Variants in TNK1 observed in about 807,000 individuals in gnomAD.
TNK1 encodes tyrosine kinase non receptor 1.
TNK1 carries 53 observed loss-of-function variants against 65.2 expected under a neutral mutation model. The observed-to-expected ratio is 0.81, with a 90% CI of 0.65 to 1.02. The LOEUF (loss-of-function observed/expected upper bound fraction) is 1.02. TNK1 is among the 50% of genes least tolerant of loss of function. TNK1 has a pLI of 0.00. For missense variants in TNK1, 837 were observed against 878.4 expected (o/e 0.95, Z 0.60); for synonymous variants, 353 against 364.6 (o/e 0.97, Z 0.36).
rs1905434561 is a variant in TNK1, at chr17:7,389,314, G to T, written c.*230G>T. ...CTGAAGGCTGAAGCTCCTTTGGCTG[G>T]GCCAAGAAGGATCTAGTCTGCCCAC... On this transcript the variant is annotated 3_prime_UTR_variant, in exon 13 of 13. Transcript: ENST00000688331. 3.5e-6 allele frequency: 2 copies of T among 575,754 alleles called. No individual in the cohort carries two copies. Among genetic ancestry groups the T allele is most frequent in the Non-Finnish European group, 6.2e-6 (2 of 321,942 alleles). The allele number at this position is 575,754 out of a possible 1,614,324, so 35.7% of individuals were successfully genotyped here. A position where few individuals can be genotyped will look rare whatever the true frequency, so the allele number is the denominator to read the frequency against.
intron 9 of TNK1, 91 bp downstream of exon 9, chr17:7,387,245 C>T: frequency 2.0e-6 from 3 of 1,511,714 alleles, no homozygotes; most frequent in Non-Finnish European, 2.7e-6. Context: ...GGGACAGGAC[C>T]AGAGTGAAGC....
chr17:7,386,464 A>C (rs1323185706), intron 7 of TNK1, 97 bp from the exon 8 acceptor site: 1 of 944,526 alleles, frequency 1.1e-6, no homozygotes, highest in Non-Finnish European at 1.7e-6. Context: ...CCCAGCACAG[A>C]CTACATACAG....
Position 7,383,469 on chromosome 17 carries a change from C to T in TNK1, c.279C>T (p.Pro93=). 1 of 1,613,936 alleles carries T rather than the reference C, an allele frequency of 6.2e-7. No individual in the cohort carries two copies. The highest frequency in any genetic ancestry group is 1.1e-5 in the South Asian group (1 of 91,086). The change falls in exon 4 of 13, where the codon CCC becomes CCT. Residue 93 remains proline (P), a synonymous_variant. Transcript: ENST00000688331. ...CTGAGCACAAGGAGCCCACCCTGCCCTCGGACAGCCCACGGCACCTCCCTG... is the reference window on the plus strand; with the variant it reads ...CTGAGCACAAGGAGCCCACCCTGCCTTCGGACAGCCCACGGCACCTCCCTG... ...FAPEHKEPTL[P]SDSPRHLPEP...
chr17:7,389,581 T>C lies in TNK1; in HGVS notation c.*497T>C, dbSNP rs1905469446. 3 of 290,482 alleles carry C rather than the reference T, an allele frequency of 1.0e-5. No homozygotes were observed. The highest frequency in any genetic ancestry group is 2.2e-5 in the African/African-American group (1 of 46,122). 18.0% of individuals were successfully genotyped at this position (290,482 alleles called of 1,614,324 possible). On this transcript the variant is annotated 3_prime_UTR_variant, in exon 13 of 13. Transcript: ENST00000688331. The stretch of plus-strand genomic sequence containing the variant: ...TTTGGTCCAGGGCCATCGTGGGTGA[T>C]GACGATTGCTCTCTTGCACTCAAGG...
At position 7,388,415 on chromosome 17, in the gene TNK1, G is replaced by C. The variant is rs762355543; in HGVS notation, c.1487G>C (p.Arg496Thr). ...CTTCTCAACTGTGCAGGCATTTCCA[G>C]GAGTCTGGAGTCAGTTCTGTCCCTC... ...MPLERMKGIS[R>T]SLESVLSLGP... is the part of the protein sequence containing the mutation. The change falls in exon 11 of 13, where the codon AGG becomes ACG. Residue 496 changes from arginine to threonine, a missense_variant. Arg to Thr is a moderately conservative substitution (Grantham distance 71). Coordinates refer to ENST00000688331, the MANE Select transcript of TNK1 (RefSeq NM_003985.6). This position sits in a 1 kb window ranked among gnomAD's most constrained non-coding sequence, Gnocchi z 4.5. The C allele has an allele frequency of 2.2e-5, 35 of 1,605,532 alleles. No homozygotes were observed. The highest frequency in any genetic ancestry group is 3.3e-4 in the Middle Eastern group (2 of 6,020).
intron 1 of TNK1, among the ~76,000 whole-genome samples, chr17:7,381,439 G>C (rs1904807352): frequency 6.6e-6 from 1 of 152,226 alleles, no homozygotes; most frequent in Non-Finnish European, 1.5e-5. Context: ...GACGGGTCCA[G>C]GAGTGTGCTA....
rs1236459365 is a variant in TNK1 at position 7,383,952 on chromosome 17, C to T, written c.583-18C>T. 3 of 1,517,802 alleles carry T rather than the reference C, an allele frequency of 2.0e-6. No individual in the cohort carries two copies. Among genetic ancestry groups the T allele is most frequent in the Non-Finnish European group, 2.7e-6 (3 of 1,131,076 alleles). 94.0% of individuals were successfully genotyped at this position (1,517,802 alleles called of 1,614,324 possible). ...TCCAATGGGTCCGGCTCACGCGGCGCGGTGTTCCCTCCTGCAGGTGATGGA... is the reference window on the plus strand; with the variant it reads ...TCCAATGGGTCCGGCTCACGCGGCGTGGTGTTCCCTCCTGCAGGTGATGGA... On this transcript the variant is annotated intron_variant, in intron 5 of 12. Coordinates refer to ENST00000688331, the MANE Select transcript of TNK1 (RefSeq NM_003985.6).
rs1905350236 is a variant in TNK1, at chr17:7,388,577, A to G, written c.1649A>G (p.Glu550Gly). Residue 550 changes from glutamate (E) to glycine (G), a missense_variant, in exon 11 of 13, where the codon GAG becomes GGG. Coordinates refer to ENST00000688331, the MANE Select transcript of TNK1 (RefSeq NM_003985.6). The surrounding 1 kb of genome is among the most constrained non-coding windows in gnomAD (Gnocchi z 4.5). ...CCTCAGCCCAGCCAGCCCTCTAGGG[A>G]GAGGCTTCCCTGGCCCAAAAGAAAA... is the stretch of plus-strand genomic sequence containing the variant. ...SSPQPSQPSRERLPWPKRKPP... is the reference protein window; with the variant it reads ...SSPQPSQPSRGRLPWPKRKPP... 6.2e-7 allele frequency: 1 copy of G among 1,613,892 alleles called. No individual in the cohort carries two copies. The highest frequency in any genetic ancestry group is 8.5e-7 in the Non-Finnish European group (1 of 1,179,860).
chr17:7,384,313 C>T, intron 6 of TNK1, 60 bp downstream of exon 6: 1 of 1,434,684 alleles, frequency 7.0e-7, no homozygotes. Context: ...GGGCAGCAGC[C>T]GAGGGAGATC....
At chr17:7,380,813 A>T (rs1450494313), upstream of TNK1, 1 of 152,346 alleles carries the variant, frequency 6.6e-6, no homozygotes, top group Non-Finnish European at 1.5e-5. Flanking sequence ...CAGAGGAGTG[A>T]AGTCTGGGGA....
Position 7,384,716 on chromosome 17 carries a change from C to T in TNK1, c.1099C>T (p.Arg367Trp), listed in dbSNP as rs1256932465. 6.3e-7 allele frequency: 1 copy of T among 1,586,950 alleles called. No individual in the cohort carries two copies. Among genetic ancestry groups the T allele is most frequent in the Admixed American group, 1.7e-5 (1 of 57,750 alleles). The change falls in exon 7 of 13, where the codon CGG becomes TGG. Residue 367 changes from arginine to tryptophan, a missense_variant. Arg to Trp is a moderately radical substitution (Grantham distance 101). Transcript: ENST00000688331. ...LRCWAPHPAD[R>W]PSFSHLEGLL... The stretch of plus-strand genomic sequence containing the variant: ...CTGCTGGGCCCCCCACCCTGCCGAC[C>T]GGCCTAGCTTTTCCCACCTGGAGGG...
At chr17:7,381,361 C>T (rs1397222954) in intron 1 of TNK1, among the ~76,000 whole-genome samples, 1 of 152,252 alleles carries the variant, frequency 6.6e-6, no homozygotes, top group Non-Finnish European at 1.5e-5. Flanking sequence ...TCTGAGTCCA[C>T]CTGCGCGTTT....
chr17:7,385,282 T>C (rs1905117115), intron 7 of TNK1, among the ~76,000 whole-genome samples: 1 of 151,148 alleles, frequency 6.6e-6, no homozygotes, highest in Non-Finnish European at 1.5e-5. Context: ...GGAGAATCGC[T>C]TGAACCTGGG....
Position 7,383,858 on chromosome 17 carries a change from G to A in TNK1, c.576G>A (p.Leu192=). The A allele has an allele frequency of 2.5e-6, 4 of 1,609,126 alleles. No homozygotes were observed. Among genetic ancestry groups the A allele is most frequent in the Non-Finnish European group, 2.5e-6 (3 of 1,177,824 alleles). The part of the protein sequence containing the change: ...RLHGLVLGQP[L]QMVMELAPLG... ...ACGGCCTTGTACTGGGCCAGCCTCT[G>A]CAGATGGTGAGCAGATCCAGCCGCT... The change falls in exon 5 of 13, where the codon CTG becomes CTA. Residue 192 remains leucine, a synonymous_variant. Transcript: ENST00000688331.
rs1467366145 is a variant in TNK1, at chr17:7,383,303, A to C, written c.217A>C (p.Lys73Gln). Residue 73 changes from lysine (K) to glutamine (Q), a missense_variant, in exon 3 of 13, where the codon AAG (lysine) becomes CAG (glutamine). Coordinates refer to ENST00000688331, the MANE Select transcript of TNK1 (RefSeq NM_003985.6). The part of the protein sequence containing the change: ...LKRLRSGPKS[K>Q]NWVYKILGGF... ...AAGGCTACGTTCTGGGCCTAAGTCT[A>C]AGAACTGGGTCTACAAGGTGTGTGT... 4.3e-6 allele frequency: 7 copies of C among 1,614,028 alleles called. No homozygotes were observed. The highest frequency in any genetic ancestry group is 5.1e-6 in the Non-Finnish European group (6 of 1,179,902).
intron 7 of TNK1, among the ~76,000 whole-genome samples, chr17:7,385,641 T>C (rs888209419): frequency 6.6e-6 from 1 of 152,070 alleles, no homozygotes; most frequent in Non-Finnish European, 1.5e-5. Context: ...CTTGGCTCAC[T>C]GCAACCTCCG....
intron 10 of TNK1, among the ~76,000 whole-genome samples, chr17:7,387,959 C>T (rs540743233): frequency 9.9e-5 from 15 of 152,158 alleles, no homozygotes; most frequent in Non-Finnish European, 2.2e-4. Context: ...TTCTGAAGAG[C>T]ACCTCCACAC....
At position 7,383,083 on chromosome 17, in the gene TNK1, C is replaced by T. The variant is rs769701142; in HGVS notation, c.157C>T (p.Arg53Trp). Residue 53 changes from arginine to tryptophan, a missense_variant, in exon 2 of 13, where the codon CGG becomes TGG. Coordinates refer to ENST00000688331, the MANE Select transcript of TNK1 (RefSeq NM_003985.6). ...PEDLDGIGMG[R>W]PAQRRLSEAL... ...GGACCTGGACGGCATTGGCATGGGC[C>T]GGCCTGGTGAGGGACCCCTGCCCCG... 3.3e-5 allele frequency: 53 copies of T among 1,613,820 alleles called. No individual in the cohort carries two copies. The highest frequency in any genetic ancestry group is 4.2e-5 in the Non-Finnish European group (50 of 1,179,886).
At chr17:7,381,759 G>T (rs952488843) in intron 1 of TNK1, among the ~76,000 whole-genome samples, 5 of 152,224 alleles carry the variant, frequency 3.3e-5, no homozygotes, top group African/African-American at 1.2e-4. Flanking sequence ...CCATAGCTCA[G>T]GTATGCTGTG....
Sources: gnomAD v4.1 joint callset for allele counts (sites outside exome capture counted in the v4.1 genomes callset) on GRCh38, gnomAD v4.1.1 for gene constraint, Gnocchi (gnomAD v3.1) non-coding constraint, MANE v1.5 for transcripts, NCBI Gene and HGNC (gene_info 2026-07-23, HGNC 2026-07-21) for gene names.